The following CAV1 variants were observed in gnomAD, a reference collection of about 807,000 sequenced individuals.
The protein encoded by CAV1 is caveolin 1, also known as caveolin-1.
In CAV1, 10 loss-of-function variants were observed where a neutral mutation model predicts 16.5. That is an observed-to-expected ratio of 0.61 (90% CI 0.37 to 1.03). The LOEUF (loss-of-function observed/expected upper bound fraction) is 1.03, where lower values mean the gene tolerates loss of function less well. CAV1 is among the 50% of genes least tolerant of loss of function. The pLI is 0.01. For synonymous variants in CAV1, 76 were observed against 85.1 expected (o/e 0.89, Z 0.59); for missense variants, 212 against 232.8 (o/e 0.91, Z 0.58).
chr7:116,548,550 G>A (rs192215888), intron 2 of CAV1, among the ~76,000 whole-genome samples: 99 of 152,290 alleles, frequency 6.5e-4, no homozygotes, highest in African/African-American at 2.3e-3. Context: ...TTTACAGTTT[G>A]GATGGCAGGT....
Position 116,559,424 on chromosome 7 carries a change from T to C in CAV1, c.*137T>C, listed in dbSNP as rs1201906339. The C allele has an allele frequency of 4.5e-5, 31 of 683,330 alleles. No individual in the cohort carries two copies. Among genetic ancestry groups the C allele is most frequent in the Middle Eastern group, 3.7e-4 (1 of 2,684 alleles). 42.3% of individuals were successfully genotyped at this position (683,330 alleles called of 1,614,324 possible). Reference sequence around the variant, plus strand: ...TTGGTTGAAAATAAAAAGATCACTTTCTCAGTTTTCATAAGTATTATGTCT... The same window carrying C: ...TTGGTTGAAAATAAAAAGATCACTTCCTCAGTTTTCATAAGTATTATGTCT... On this transcript the variant is annotated 3_prime_UTR_variant, in exon 3 of 3. Coordinates refer to ENST00000341049, the MANE Select transcript of CAV1 (RefSeq NM_001753.5).
chr7:116,545,750 G>T (rs1294747724), intron 2 of CAV1, among the ~76,000 whole-genome samples: 3 of 152,194 alleles, frequency 2.0e-5, no homozygotes, highest in African/African-American at 7.2e-5. Context: ...TGAAAATGAT[G>T]AAGACATTTC....
chr7:116,561,136 G>A lies in CAV1; in HGVS notation c.*1849G>A, dbSNP rs1794402114. ...TACAATTTTTTATCATGCATGTCCTGTAAAGGTTACAAGCCTGCACAATAA... is the reference window on the plus strand; with the variant it reads ...TACAATTTTTTATCATGCATGTCCTATAAAGGTTACAAGCCTGCACAATAA... On this transcript the variant is annotated 3_prime_UTR_variant, in exon 3 of 3. Coordinates refer to ENST00000341049, the MANE Select transcript of CAV1 (RefSeq NM_001753.5). 6.6e-6 allele frequency: 1 copy of A among 152,486 alleles called. No individual in the cohort carries two copies. Among genetic ancestry groups the A allele is most frequent in the Admixed American group, 6.5e-5 (1 of 15,270 alleles). The allele number at this position is 152,486 out of a possible 1,614,324, so 9.4% of individuals were successfully genotyped here.
At chr7:116,549,064 T>C (rs1260101584) in intron 2 of CAV1, among the ~76,000 whole-genome samples, 1 of 152,190 alleles carries the variant, frequency 6.6e-6, no homozygotes, top group African/African-American at 2.4e-5. Flanking sequence ...TATGCCTGCC[T>C]CTTTTCCTGC....
rs139233958 is a variant in CAV1 at position 116,550,335 on chromosome 7, G to T, written c.196-8611G>T. ...TCACCCCAAGGGAACCAACGTCGAA[G>T]CCCAAGAATAAGAGTCAATACTCCT... On this transcript the variant is annotated intron_variant, in intron 2 of 2. Transcript: ENST00000341049. Among the ~76,000 whole-genome samples, 15 of 152,238 alleles carry T rather than the reference G, an allele frequency of 9.9e-5. No individual in the cohort carries two copies. The East Asian group carries it at 2.9e-3, about 29-fold the overall frequency.
intron 2 of CAV1, among the ~76,000 whole-genome samples, chr7:116,548,433 G>A (rs1794096367): frequency 6.6e-6 from 1 of 152,228 alleles, no homozygotes. Context: ...GATGCTGAAT[G>A]TGGAGGCTTG....
Position 116,559,110 on chromosome 7 carries a change from C to T in CAV1, c.360C>T (p.Ala120=), listed in dbSNP as rs745964206. The T allele has an allele frequency of 1.1e-5, 18 of 1,613,948 alleles. No homozygotes were observed. The highest frequency in any genetic ancestry group is 1.4e-5 in the Non-Finnish European group (17 of 1,179,928). The change falls in exon 3 of 3, where the codon GCC becomes GCT. Residue 120 remains alanine, a synonymous_variant. Transcript: ENST00000341049. The part of the protein sequence containing the change: ...PMALIWGIYF[A]ILSFLHIWAV... ...CACTCATCTGGGGCATTTACTTCGCCATTCTCTCTTTCCTGCACATCTGGG... is the reference window on the plus strand; with the variant it reads ...CACTCATCTGGGGCATTTACTTCGCTATTCTCTCTTTCCTGCACATCTGGG...
intron 2 of CAV1, among the ~76,000 whole-genome samples, chr7:116,535,466 T>G (rs1371558428): frequency 6.6e-6 from 1 of 152,244 alleles, no homozygotes; most frequent in Non-Finnish European, 1.5e-5. Context: ...CATCCTTCCA[T>G]CACATATTTT....
At chr7:116,529,765 C>T (rs899574506) in intron 2 of CAV1, among the ~76,000 whole-genome samples, 1 of 152,170 alleles carries the variant, frequency 6.6e-6, no homozygotes, top group Non-Finnish European at 1.5e-5. Flanking sequence ...AAGCTTGCTG[C>T]TCCACATTAT....
chr7:116,551,687 T>A (rs1794164920), intron 2 of CAV1: 1 of 152,120 alleles, frequency 6.6e-6, no homozygotes, highest in Non-Finnish European at 1.5e-5. Context: ...ACAACAAACA[T>A]TGATCCTCCA....
intron 2 of CAV1, among the ~76,000 whole-genome samples, chr7:116,537,797 C>A (rs1441514937): frequency 6.6e-6 from 1 of 152,144 alleles, no homozygotes; most frequent in Non-Finnish European, 1.5e-5. Flanking sequence ...AAGAGAAGGA[C>A]CAATGTAAAA....
chr7:116,526,900 A>G (rs1053576030), intron 2 of CAV1: 4 of 596,660 alleles, frequency 6.7e-6, no homozygotes, highest in African/African-American at 3.7e-5. Flanking sequence ...TCTCCCCCCA[A>G]TAGTTAGTTC....
At chr7:116,541,709 G>A (rs1355283227) in intron 2 of CAV1, among the ~76,000 whole-genome samples, 4 of 147,524 alleles carry the variant, frequency 2.7e-5, no homozygotes, top group Non-Finnish European at 4.4e-5. Flanking sequence ...AGCCATGATT[G>A]TGCCACTGCA....
At chr7:116,526,423 C>A in intron 1 of CAV1, 102 bp from the exon 2 acceptor site, 1 of 1,583,146 alleles carries the variant, frequency 6.3e-7, no homozygotes, top group African/African-American at 1.3e-5. Context: ...TTTCCCCCGC[C>A]GCCAGGCTGA....
At chr7:116,545,703 A>T (rs1373410919) in intron 2 of CAV1, among the ~76,000 whole-genome samples, 1 of 152,268 alleles carries the variant, frequency 6.6e-6, no homozygotes, top group Non-Finnish European at 1.5e-5. Context: ...AAAAAGCTGT[A>T]GTTCAAACAA....
At chr7:116,546,185 A>G (rs1184902367) in intron 2 of CAV1, among the ~76,000 whole-genome samples, 2 of 152,172 alleles carry the variant, frequency 1.3e-5, no homozygotes, top group South Asian at 2.1e-4. Context: ...CTCAACATCA[A>G]CATGTGCTAC....
chr7:116,532,175 T>C (rs965979368), intron 2 of CAV1, among the ~76,000 whole-genome samples: 1 of 152,180 alleles, frequency 6.6e-6, no homozygotes, highest in African/African-American at 2.4e-5. Flanking sequence ...TTCTTTCAGT[T>C]AACGGCAGGG....
At chr7:116,533,818 A>G (rs915418320) in intron 2 of CAV1, among the ~76,000 whole-genome samples, 6 of 152,216 alleles carry the variant, frequency 3.9e-5, no homozygotes, top group African/African-American at 7.2e-5. Context: ...GCAAATAAAC[A>G]AGGCAAAATA....
rs970386187 is a variant in CAV1 at position 116,556,080 on chromosome 7, C to T, written c.196-2866C>T. On this transcript the variant is annotated intron_variant, in intron 2 of 2. Transcript: ENST00000341049. The stretch of plus-strand genomic sequence containing the variant: ...CTTGGACGTTTGAGGATAAATCATG[C>T]TCACTAGCAGTTTCTGAAAATGCAG... 4.6e-5 allele frequency among the ~76,000 whole-genome samples: 7 copies of T among 152,172 alleles called. No homozygotes were observed. In the East Asian group the frequency reaches 1.3e-3, roughly 29 times the overall value.
Sources: allele counts gnomAD v4.1 joint callset (sites outside exome capture counted in the v4.1 genomes callset), GRCh38; gene constraint gnomAD v4.1.1; transcripts MANE v1.5; gene names NCBI Gene and HGNC (gene_info 2026-07-23, HGNC 2026-07-21).